The following PALLD variants were observed in gnomAD, a reference collection of about 807,000 sequenced individuals.
PALLD encodes palladin.
In PALLD, 61 loss-of-function variants were observed where a neutral mutation model predicts 123.5. The observed-to-expected ratio is 0.49, with a 90% CI of 0.40 to 0.61. PALLD has a LOEUF of 0.61. PALLD is among the 20% of genes least tolerant of loss of function. PALLD has a pLI of 0.00. For missense variants in PALLD, 1,273 were observed against 1,377.0 expected, an observed-to-expected ratio of 0.92 and a Z score of 1.20; for synonymous variants, 465 against 496.4, an observed-to-expected ratio of 0.94 and a Z score of 0.84.
chr4:168,858,645 G>A (rs777865066), intron 10 of PALLD, among the ~76,000 whole-genome samples: 5 of 152,026 alleles, frequency 3.3e-5, no homozygotes, highest in African/African-American at 9.7e-5. Context: ...AGCTGGGCAC[G>A]GTGGCACATA....
chr4:168,729,929 G>T (rs58623032), intron 10 of PALLD, among the ~76,000 whole-genome samples: 7,238 of 152,172 alleles, frequency 0.048, 539 homozygotes, highest in East Asian at 0.32. Flanking sequence ...AAAATTCAGT[G>T]CCAATCTGGT....
At chr4:168,531,609 T>C (rs1391789961) in intron 2 of PALLD, among the ~76,000 whole-genome samples, 1 of 152,128 alleles carries the variant, frequency 6.6e-6, no homozygotes, top group Non-Finnish European at 1.5e-5. Flanking sequence ...GCTTATATGG[T>C]GAACCAAAAA....
intron 2 of PALLD, among the ~76,000 whole-genome samples, chr4:168,561,253 T>C (rs1274248006): frequency 2.6e-5 from 4 of 151,838 alleles, no homozygotes; most frequent in Non-Finnish European, 5.9e-5. Flanking sequence ...GACGACCAAT[T>C]TTCTTTTTTT....
intron 4 of PALLD, among the ~76,000 whole-genome samples, chr4:168,682,343 A>G (rs1283906405): frequency 6.6e-6 from 1 of 152,188 alleles, no homozygotes; most frequent in Non-Finnish European, 1.5e-5. Context: ...GGATCTTCTA[A>G]GGTTATTTTA....
chr4:168,802,625 A>G (rs1739513671), intron 10 of PALLD, among the ~76,000 whole-genome samples: 1 of 150,376 alleles, frequency 6.6e-6, no homozygotes, highest in Non-Finnish European at 1.5e-5. Context: ...AAATGTAACT[A>G]CTGTTTGATA....
intron 2 of PALLD, among the ~76,000 whole-genome samples, chr4:168,593,143 T>C (rs1178131639): frequency 1.3e-5 from 2 of 152,160 alleles, no homozygotes; most frequent in Non-Finnish European, 2.9e-5. Flanking sequence ...CTCTGCTGGA[T>C]TGTTAAAAAT....
intron 2 of PALLD, among the ~76,000 whole-genome samples, chr4:168,556,197 G>A (rs887146189): frequency 1.3e-5 from 2 of 151,976 alleles, no homozygotes; most frequent in African/African-American, 4.8e-5. Context: ...CCGGGTTCAC[G>A]CCATTCTCCT....
At position 168,685,497 on chromosome 4, in the gene PALLD, A is replaced by T. The variant is rs140454899; in HGVS notation, c.1273A>T (p.Thr425Ser). 4.4e-3 allele frequency: 7,072 copies of T among 1,610,754 alleles called. 50 individuals carry two copies. The highest frequency in any genetic ancestry group is 0.015 in the Middle Eastern group (91 of 6,058). ...SVPVQQVHSPTSYLCRPDGTT... is the reference protein window; with the variant it reads ...SVPVQQVHSPSSYLCRPDGTT... ...TCTGCTTTTGCAGGTTCACAGTCCAACTTCATATCTCTGCCGACCTGATGG... is the reference window on the plus strand; with the variant it reads ...TCTGCTTTTGCAGGTTCACAGTCCATCTTCATATCTCTGCCGACCTGATGG... Residue 425 changes from threonine (T) to serine (S), a missense_variant, in exon 6 of 22, where the codon ACT becomes TCT. Thr to Ser is a moderately conservative substitution (Grantham distance 58). Transcript: ENST00000505667.
chr4:168,574,280 G>A (rs1250899803), intron 2 of PALLD, among the ~76,000 whole-genome samples: 1 of 151,990 alleles, frequency 6.6e-6, no homozygotes, highest in Admixed American at 6.6e-5. Flanking sequence ...TTTACAAGAT[G>A]CTTACCACAA....
intron 2 of PALLD, among the ~76,000 whole-genome samples, chr4:168,540,592 A>T (rs188209674): frequency 1.6e-4 from 25 of 152,226 alleles, no homozygotes; most frequent in Middle Eastern, 3.4e-3. Context: ...GCATTTTTTT[A>T]AAAAAAGAGC....
chr4:168,865,905 G>A (rs1750201382), intron 10 of PALLD, among the ~76,000 whole-genome samples: 1 of 152,126 alleles, frequency 6.6e-6, no homozygotes, highest in African/African-American at 2.4e-5. Flanking sequence ...AAAATTGGTG[G>A]CACAGTCACT....
At chr4:168,689,482 C>G (rs1782415028) in intron 6 of PALLD, among the ~76,000 whole-genome samples, 1 of 101,170 alleles carries the variant, frequency 9.9e-6, no homozygotes, top group Non-Finnish European at 1.8e-5. Flanking sequence ...GAGTCTTGCT[C>G]TGTCACCCAG....
At chr4:168,812,692 A>AG (rs2150749131) in intron 10 of PALLD, among the ~76,000 whole-genome samples, 1 of 152,348 alleles carries the variant, frequency 6.6e-6, no homozygotes, top group South Asian at 2.1e-4. Context: ...AGCATGTTAC[A>AG]TTCACAATCA....
In PALLD at chr4:168,637,176, A is replaced by G. The variant is rs1388211378; in HGVS notation, c.909-31014A>G. Among the ~76,000 whole-genome samples the G allele has an allele frequency of 2.6e-5, 4 of 152,276 alleles. No homozygotes were observed. The East Asian group carries it at 7.7e-4, about 29-fold the overall frequency. ...CAGCAGGTGTGACAAGCAGAAAGCT[A>G]TGCTAATCTAGCCTTACTTTGCTTG... On this transcript the variant is annotated intron_variant, in intron 2 of 21. Transcript: ENST00000505667.
chr4:168,805,418 A>G (rs1486022574), intron 10 of PALLD, among the ~76,000 whole-genome samples: 3 of 152,248 alleles, frequency 2.0e-5, no homozygotes, highest in East Asian at 3.9e-4. Flanking sequence ...AGAGAAAGTA[A>G]AACTATTTAA....
chr4:168,512,105 G>C lies in PALLD; in HGVS notation c.601G>C (p.Asp201His), dbSNP rs1189839501. Residue 201 changes from aspartate (D) to histidine (H), a missense_variant, in exon 2 of 22, where the codon GAC becomes CAC. Around this residue, in one of 2 missense-constraint regions of PALLD, gnomAD observed 944 missense variants for 954.5 expected, o/e 0.99. Coordinates refer to ENST00000505667, the MANE Select transcript of PALLD (RefSeq NM_001166108.2). ...RSPNGESSSP[D>H]SGYLSPKNQP... Reference sequence around the variant, plus strand: ...CCCAAATGGGGAGTCCTCGTCACCAGACAGTGGGTACCTGTCTCCTAAAAA... The same window carrying C: ...CCCAAATGGGGAGTCCTCGTCACCACACAGTGGGTACCTGTCTCCTAAAAA... 2 of 1,614,000 alleles carry C rather than the reference G, an allele frequency of 1.2e-6. No homozygotes were observed. The highest frequency in any genetic ancestry group is 1.3e-5 in the African/African-American group (1 of 74,932).
At chr4:168,747,804 C>T (rs1730522943) in intron 10 of PALLD, among the ~76,000 whole-genome samples, 1 of 152,192 alleles carries the variant, frequency 6.6e-6, no homozygotes, top group Non-Finnish European at 1.5e-5. Context: ...GGCTGAGATA[C>T]TGTAAATATC....
At chr4:168,755,090 A>T (rs530248834) in intron 10 of PALLD, among the ~76,000 whole-genome samples, 1 of 151,974 alleles carries the variant, frequency 6.6e-6, no homozygotes, top group Non-Finnish European at 1.5e-5. Context: ...AAAATTAGCC[A>T]GGCGTGGTGG....
chr4:168,503,374 A>G (rs985224337), intron 1 of PALLD, among the ~76,000 whole-genome samples: 8 of 152,168 alleles, frequency 5.3e-5, no homozygotes, highest in African/African-American at 1.9e-4. Context: ...AGAGGGCTGG[A>G]TGCAGTGGCT....
Sources: gnomAD v4.1 joint callset for allele counts (sites outside exome capture counted in the v4.1 genomes callset) on GRCh38, gnomAD v4.1.1 for gene constraint, gnomAD v4.1.1 regional missense constraint, MANE v1.5 for transcripts, NCBI Gene and HGNC (gene_info 2026-07-23, HGNC 2026-07-21) for gene names.